SYNPO2: variants seen among roughly 807,000 people sequenced by gnomAD.
The protein encoded by SYNPO2 is synaptopodin 2, also known as synaptopodin-2.
In SYNPO2, 56 loss-of-function variants were observed where a neutral mutation model predicts 85.0. The observed-to-expected ratio is 0.66, with a 90% CI of 0.53 to 0.82. SYNPO2 has a LOEUF of 0.82. SYNPO2 is among the 40% of genes least tolerant of loss of function. The probability of loss-of-function intolerance (pLI) is 0.00; values close to 1 mark genes in which losing one functional copy is unlikely to be tolerated. For synonymous variants in SYNPO2, 602 were observed against 591.1 expected, an observed-to-expected ratio of 1.02 and a Z score of -0.27; for missense variants, 1,575 against 1,534.2, an observed-to-expected ratio of 1.03 and a Z score of -0.44.
At chr4:118,933,255 T>A (rs985612574) in intron 1 of SYNPO2, among the ~76,000 whole-genome samples, 1 of 152,208 alleles carries the variant, frequency 6.6e-6, no homozygotes, top group Non-Finnish European at 1.5e-5. Context: ...TCATGTTATT[T>A]AGGGTAGTGC....
chr4:118,919,790 TCTGTTAAAGAGA>T (rs1217517691), intron 1 of SYNPO2, among the ~76,000 whole-genome samples: 4 of 152,280 alleles, frequency 2.6e-5, no homozygotes, highest in Admixed American at 2.6e-4. Context: ...ACCAGCACGA[TCTGTTAAAGAGA>T]CTGAGTACAG....
At position 119,031,530 on chromosome 4, in the gene SYNPO2, G is replaced by C; in HGVS notation, c.2755G>C (p.Ala919Pro). The C allele has an allele frequency of 6.2e-7, 1 of 1,614,096 alleles. No individual in the cohort carries two copies. The highest frequency in any genetic ancestry group is 8.5e-7 in the Non-Finnish European group (1 of 1,180,022). Residue 919 changes from alanine (A) to proline (P), a missense_variant, in exon 4 of 5, where the codon GCA becomes CCA. Ala to Pro is a conservative substitution (Grantham distance 27, BLOSUM62 -1). Transcript: ENST00000307142. ...ASWKYSSNVR[A>P]PPPVAYNPIH... is the part of the protein sequence containing the mutation. ...TTGGAAGTACTCCTCCAATGTCCGA[G>C]CACCTCCTCCTGTGGCCTATAATCC...
Position 118,977,155 on chromosome 4 carries a change from G to C in SYNPO2, c.106-46275G>C, listed in dbSNP as rs1353011118. ...ACAGGAGCCCATGGAGGGGGTGGGAGGCTCAGGCATGGCGGGCTGCAGGTC... is the reference window on the plus strand; with the variant it reads ...ACAGGAGCCCATGGAGGGGGTGGGACGCTCAGGCATGGCGGGCTGCAGGTC... On this transcript the variant is annotated intron_variant, in intron 1 of 4. Transcript: ENST00000307142. 3.3e-5 allele frequency among the ~76,000 whole-genome samples: 5 copies of C among 152,368 alleles called. No individual in the cohort carries two copies. The East Asian group carries it at 9.7e-4, about 29-fold the overall frequency.
intron 1 of SYNPO2, among the ~76,000 whole-genome samples, chr4:118,865,834 CAATGGGTG>C (rs1193873823): frequency 6.6e-6 from 1 of 152,048 alleles, no homozygotes; most frequent in Non-Finnish European, 1.5e-5. Flanking sequence ...TTAAGGAAAA[CAATGGGTG>C]AAGTTATGTG....
At chr4:118,965,594 T>C (rs1735282236) in intron 1 of SYNPO2, among the ~76,000 whole-genome samples, 1 of 152,330 alleles carries the variant, frequency 6.6e-6, no homozygotes, top group South Asian at 2.1e-4. Flanking sequence ...AAGGCAATTA[T>C]GGTTACACAG....
At chr4:118,868,078 G>A (rs1578507320) in intron 1 of SYNPO2, among the ~76,000 whole-genome samples, 1 of 145,264 alleles carries the variant, frequency 6.9e-6, no homozygotes, top group Non-Finnish European at 1.5e-5. Flanking sequence ...CGTATTTAAT[G>A]AAAAATATTG....
chr4:118,977,997 T>C (rs1735856580), intron 1 of SYNPO2, among the ~76,000 whole-genome samples: 1 of 152,224 alleles, frequency 6.6e-6, no homozygotes, highest in African/African-American at 2.4e-5. Flanking sequence ...AACATAGTTT[T>C]GTTGTTATCA....
upstream of SYNPO2, among the ~76,000 whole-genome samples, chr4:118,887,390 C>T (rs907461954): frequency 6.6e-6 from 1 of 152,122 alleles, no homozygotes; most frequent in Non-Finnish European, 1.5e-5. Flanking sequence ...CACAAATGCA[C>T]AGCAATAGAT....
chr4:118,891,970 C>A (rs1395145700), intron 1 of SYNPO2, among the ~76,000 whole-genome samples: 1 of 152,026 alleles, frequency 6.6e-6, no homozygotes, highest in Non-Finnish European at 1.5e-5. Flanking sequence ...TTAGGTTTTT[C>A]ATAATTCTAT....
At chr4:118,920,454 T>C (rs75093750) in intron 1 of SYNPO2, among the ~76,000 whole-genome samples, 3,632 of 152,188 alleles carry the variant, frequency 0.024, 160 homozygotes, top group African/African-American at 0.083. Flanking sequence ...TCTAAGTGAT[T>C]CGACTGTGCA....
intron 1 of SYNPO2, among the ~76,000 whole-genome samples, chr4:118,924,254 C>T (rs959805248): frequency 4.6e-5 from 7 of 152,162 alleles, no homozygotes; most frequent in African/African-American, 1.7e-4. Flanking sequence ...CTGCAGAAAT[C>T]CTTTGCCCAT....
intron 1 of SYNPO2, among the ~76,000 whole-genome samples, chr4:119,022,519 T>G (rs1737764008): frequency 1.9e-5 from 2 of 106,668 alleles, no homozygotes; most frequent in Admixed American, 2.0e-4. Flanking sequence ...TAGGTTTTTT[T>G]TTTTTTTTTT....
rs1280739621 is a variant in SYNPO2, at chr4:119,044,020, T to C, written c.3252+11993T>C. On this transcript the variant is annotated intron_variant, in intron 4 of 4. Transcript: ENST00000307142. Reference sequence around the variant, plus strand: ...AGCTATAGCCATGGGCAAAATTAAGTATTTGATCTCTAATTTCGTATGTCT... The same window carrying C: ...AGCTATAGCCATGGGCAAAATTAAGCATTTGATCTCTAATTTCGTATGTCT... The C allele has an allele frequency of 3.3e-5, 5 of 150,268 alleles. No homozygotes were observed. The East Asian group carries it at 9.7e-4, about 29-fold the overall frequency. The allele number at this position is 150,268 out of a possible 1,614,324, so 9.3% of individuals were successfully genotyped here.
At chr4:118,973,619 G>T (rs12502164) in intron 1 of SYNPO2, among the ~76,000 whole-genome samples, 1 of 151,920 alleles carries the variant, frequency 6.6e-6, no homozygotes, top group Non-Finnish European at 1.5e-5. Flanking sequence ...TAACCCATGC[G>T]TGTTGAGTTA....
At position 119,057,584 on chromosome 4, in the gene SYNPO2, G is replaced by A. The variant is rs1739250878; in HGVS notation, c.3436G>A (p.Ala1146Thr). 6.2e-7 allele frequency: 1 copy of A among 1,613,990 alleles called. No individual in the cohort carries two copies. Among genetic ancestry groups the A allele is most frequent in the African/African-American group, 1.3e-5 (1 of 74,910 alleles). Residue 1146 changes from alanine to threonine, a missense_variant, in exon 5 of 5, where the codon GCT becomes ACT. Physicochemically the swap from Ala to Thr is moderately conservative, Grantham distance 58. Transcript: ENST00000307142. ...AKSPLGLVDD[A>T]FQPRNIQESI... ...GTCTCCTCTCGGTCTAGTGGATGAT[G>A]CTTTCCAACCCAGAAACATCCAGGA...
At chr4:118,945,992 C>A (rs1295509690) in intron 1 of SYNPO2, among the ~76,000 whole-genome samples, 3 of 152,286 alleles carry the variant, frequency 2.0e-5, no homozygotes, top group Non-Finnish European at 2.9e-5. Context: ...GATCTGCCCG[C>A]CTCGGCCTCC....
At chr4:118,928,031 A>G (rs1175806653) in intron 1 of SYNPO2, among the ~76,000 whole-genome samples, 1 of 152,172 alleles carries the variant, frequency 6.6e-6, no homozygotes, top group Non-Finnish European at 1.5e-5. Flanking sequence ...GGTACTCAGG[A>G]TCTGCAGAGG....
At position 118,935,329 on chromosome 4, in the gene SYNPO2, G is replaced by A. The variant is rs368884718; in HGVS notation, c.105+46188G>A. On this transcript the variant is annotated intron_variant, in intron 1 of 4. Transcript: ENST00000307142. ...AGTAAAATATACACAGCCAGAATGA[G>A]TGCCAAAAATATGTTTTGGAACATG... Among the ~76,000 whole-genome samples, 107 of 152,330 alleles carry A rather than the reference G, an allele frequency of 7.0e-4. 1 individual carries two copies. The South Asian group carries it at 8.7e-3, about 12-fold the overall frequency.
At chr4:118,919,695 A>G (rs1733469447) in intron 1 of SYNPO2, among the ~76,000 whole-genome samples, 1 of 152,184 alleles carries the variant, frequency 6.6e-6, no homozygotes, top group Non-Finnish European at 1.5e-5. Context: ...AAGGTGGAAT[A>G]TATAGCTCGA....
Sources: gnomAD v4.1 joint callset for allele counts (sites outside exome capture counted in the v4.1 genomes callset) on GRCh38, gnomAD v4.1.1 for gene constraint, MANE v1.5 for transcripts, NCBI Gene and HGNC (gene_info 2026-07-23, HGNC 2026-07-21) for gene names.